The following RNF145 variants were observed in gnomAD, a reference collection of about 807,000 sequenced individuals.
RNF145 encodes ring finger protein 145.
In RNF145, 12 loss-of-function variants were observed where a neutral mutation model predicts 57.3. The ratio of observed to expected loss-of-function variants is 0.21; its 90% CI spans 0.13 to 0.34. RNF145 has a LOEUF of 0.34. Ranked by LOEUF, RNF145 falls within the 10% of genes least tolerant of loss-of-function variation. The pLI, the probability that RNF145 is intolerant of heterozygous loss-of-function variation, is 1.00. For missense variants in RNF145, 429 were observed against 799.0 expected, an observed-to-expected ratio of 0.54 and a Z score of 5.58; for synonymous variants, 262 against 288.3, an observed-to-expected ratio of 0.91 and a Z score of 0.92.
At chr5:159,200,796 G>A (rs1228887899) in intron 2 of RNF145, among the ~76,000 whole-genome samples, 1 of 152,160 alleles carries the variant, frequency 6.6e-6, no homozygotes, top group Non-Finnish European at 1.5e-5. Flanking sequence ...TCACAGAAAA[G>A]TGGGCAGGGT....
At chr5:159,206,740 G>A (rs1196424451) in intron 1 of RNF145, among the ~76,000 whole-genome samples, 1 of 152,084 alleles carries the variant, frequency 6.6e-6, no homozygotes, top group Non-Finnish European at 1.5e-5. Context: ...TAGAAAATAA[G>A]CAGGAGAGCT....
chr5:159,188,259 C>A (rs138476219), intron 3 of RNF145, among the ~76,000 whole-genome samples: 1 of 151,250 alleles, frequency 6.6e-6, no homozygotes, highest in African/African-American at 2.4e-5. Flanking sequence ...TGGTGGCAGG[C>A]GCCTGTAGTC....
chr5:159,167,300 A>T (rs1361265463), intron 8 of RNF145, among the ~76,000 whole-genome samples: 2 of 152,206 alleles, frequency 1.3e-5, no homozygotes, highest in East Asian at 3.8e-4. Flanking sequence ...AGGTTAATGC[A>T]GCCGCAGCCA....
At position 159,157,983 on chromosome 5, in the gene RNF145, C is replaced by G. The variant is rs10035989; in HGVS notation, c.*687G>C. The G allele has an allele frequency of 4.6e-5, 7 of 152,798 alleles. No homozygotes were observed. The highest frequency in any genetic ancestry group is 1.4e-4 in the African/African-American group (6 of 41,568). The allele number at this position is 152,798 out of a possible 1,614,324, so 9.5% of individuals were successfully genotyped here. A position where few individuals can be genotyped will look rare whatever the true frequency, so the allele number is the denominator to read the frequency against. ...CAAAAGTTTCATATACATCAAAATA[C>G]TGAAGACTCCGTCATAAAGTTCAAG... On this transcript the variant is annotated 3_prime_UTR_variant, in exon 11 of 11. Transcript: ENST00000424310.
Position 159,189,448 on chromosome 5 carries a change from C to T in RNF145, c.293+5268G>A, listed in dbSNP as rs933329372. Reference sequence around the variant, plus strand: ...GTAATGGCTCCACTAAAAAGGACAACAATGGATGCTGGCAAGAATGTAGAC... The same window carrying T: ...GTAATGGCTCCACTAAAAAGGACAATAATGGATGCTGGCAAGAATGTAGAC... On this transcript the variant is annotated intron_variant, in intron 3 of 10. Coordinates refer to ENST00000424310, the MANE Select transcript of RNF145 (RefSeq NM_001199383.2). 1.7e-4 allele frequency among the ~76,000 whole-genome samples: 26 copies of T among 152,120 alleles called. 1 individual carries two copies. Among genetic ancestry groups the T allele is most frequent in the Admixed American group, 1.2e-3 (19 of 15,282 alleles).
intron 2 of RNF145, among the ~76,000 whole-genome samples, chr5:159,202,761 C>T (rs1785713421): frequency 6.6e-6 from 1 of 151,996 alleles, no homozygotes; most frequent in African/African-American, 2.4e-5. Flanking sequence ...TAAACCAAAA[C>T]CTAAAAAGTA....
At chr5:159,172,149 A>G (rs1784579689) in intron 6 of RNF145, among the ~76,000 whole-genome samples, 3 of 152,142 alleles carry the variant, frequency 2.0e-5, no homozygotes, top group African/African-American at 7.2e-5. Flanking sequence ...TCCTAACCAC[A>G]GAACTGTCTC....
Position 159,192,051 on chromosome 5 carries a change from GA to G in RNF145, c.293+2664del, listed in dbSNP as rs879432662. Among the ~76,000 whole-genome samples the G allele has an allele frequency of 2.5e-3, 331 of 133,238 alleles. 1 individual carries two copies. Among genetic ancestry groups the G allele is most frequent in the African/African-American group, 8.3e-3 (299 of 36,042 alleles). The allele number at this position is 133,238 out of a possible 152,430, so 87.4% of individuals were successfully genotyped here. A position where few individuals can be genotyped will look rare whatever the true frequency, so the allele number is the denominator to read the frequency against. On this transcript the variant is annotated intron_variant, in intron 3 of 10. Coordinates refer to ENST00000424310, the MANE Select transcript of RNF145 (RefSeq NM_001199383.2). ...ACCAACCAAGAATCGAAAATATTCA[GA>G]AAAAAAAAAAAACTGCAATTGGAGT...
chr5:159,161,765 G>A, intron 9 of RNF145, 143 bp from the exon 10 acceptor site: 1 of 503,426 alleles, frequency 2.0e-6, no homozygotes, highest in East Asian at 3.5e-5. Context: ...GGAAAAAAAA[G>A]TTTTAATAAA....
intron 3 of RNF145, among the ~76,000 whole-genome samples, chr5:159,193,310 C>G (rs1470082836): frequency 6.6e-6 from 1 of 152,192 alleles, no homozygotes; most frequent in African/African-American, 2.4e-5. Context: ...AGGACCTACC[C>G]TGGGCAGGAT....
chr5:159,202,893 T>C (rs1052954294), intron 2 of RNF145, among the ~76,000 whole-genome samples: 2 of 152,004 alleles, frequency 1.3e-5, no homozygotes, highest in Non-Finnish European at 2.9e-5. Flanking sequence ...CAATGATAGT[T>C]CCATTTTTCT....
At chr5:159,209,746 C>T, upstream of RNF145, 2 of 1,183,984 alleles carry the variant, frequency 1.7e-6, no homozygotes, top group South Asian at 1.3e-5. Context: ...TATGGAGAGG[C>T]GTACTGCAGA....
At chr5:159,172,692 T>C (rs1784596251) in intron 6 of RNF145, among the ~76,000 whole-genome samples, 2 of 152,322 alleles carry the variant, frequency 1.3e-5, no homozygotes, top group South Asian at 4.1e-4. Context: ...ACTTATTTCT[T>C]AAAACAGGTT....
At chr5:159,178,077 C>G (rs1286403634) in intron 4 of RNF145, among the ~76,000 whole-genome samples, 2 of 151,828 alleles carry the variant, frequency 1.3e-5, no homozygotes, top group Non-Finnish European at 2.9e-5. Context: ...TGAAAATAGT[C>G]AAACCATTTT....
intron 1 of RNF145, chr5:159,207,830 C>G: frequency 6.2e-7 from 1 of 1,614,168 alleles, no homozygotes; most frequent in South Asian, 1.1e-5. Flanking sequence ...GGAGTCTACT[C>G]TGAATACAAA....
chr5:159,203,252 T>C (rs943414998), intron 2 of RNF145, among the ~76,000 whole-genome samples, 182 bp downstream of exon 2: 20 of 152,222 alleles, frequency 1.3e-4, no homozygotes, highest in Non-Finnish European at 1.6e-4. Context: ...TACTTTCTTG[T>C]AGCCTTAATA....
At chr5:159,208,421 G>A (rs569968477) in intron 1 of RNF145, among the ~76,000 whole-genome samples, 18 of 152,262 alleles carry the variant, frequency 1.2e-4, no homozygotes, top group African/African-American at 4.3e-4. Flanking sequence ...CAGAAAGGGG[G>A]TTCACGGGTC....
rs1231747549 is a variant in RNF145 at position 159,207,731 on chromosome 5, C to T, written c.-40+1500G>A. On this transcript the variant is annotated intron_variant, in intron 1 of 10. Transcript: ENST00000424310. ...TAGCTGGTCCTCCCCACTCCCACTC[C>T]TTGCTAGCTAACTTTGTATGTACCT... 1.9e-6 allele frequency: 3 copies of T among 1,613,868 alleles called. No individual in the cohort carries two copies. The African/African-American group carries it at 4.0e-5, about 22-fold the overall frequency.
chr5:159,161,117 A>G (rs1784202022), intron 10 of RNF145, 149 bp downstream of exon 10: 4 of 545,860 alleles, frequency 7.3e-6, no homozygotes, highest in Non-Finnish European at 1.3e-5. Context: ...ATATTTTATC[A>G]GGTCTTTAAT....
Sources: allele counts gnomAD v4.1 joint callset (sites outside exome capture counted in the v4.1 genomes callset), GRCh38; gene constraint gnomAD v4.1.1; transcripts MANE v1.5; gene names NCBI Gene and HGNC (gene_info 2026-07-23, HGNC 2026-07-21).